Variants in COA1 observed in about 807,000 individuals in gnomAD.
COA1 encodes the protein cytochrome c oxidase assembly factor 1 homolog.
Under a neutral mutation model 16.0 loss-of-function variants are expected in COA1, and 13 were observed. That is an observed-to-expected ratio of 0.81 (90% CI 0.53 to 1.29). The LOEUF (loss-of-function observed/expected upper bound fraction) is 1.29. Among genes scored for constraint, COA1 ranks in the 50% most tolerant of loss-of-function variants. The pLI, the probability that COA1 is intolerant of heterozygous loss-of-function variation, is 0.00. For synonymous variants in COA1, 65 were observed against 65.7 expected, an observed-to-expected ratio of 0.99 and a Z score of 0.05; for missense variants, 179 against 177.0, an observed-to-expected ratio of 1.01 and a Z score of -0.06.
intron 6 of COA1, chr7:43,625,786 T>G (rs2084460067): frequency 7.4e-6 from 1 of 134,990 alleles, no homozygotes; most frequent in South Asian, 2.3e-4. Flanking sequence ...AGTGTCTTCA[T>G]GCCAACCACA....
intron 1 of COA1, among the ~76,000 whole-genome samples, chr7:43,657,730 G>C (rs1157844254): frequency 6.6e-6 from 1 of 152,020 alleles, no homozygotes; most frequent in African/African-American, 2.4e-5. Flanking sequence ...AAAAGCCACA[G>C]ACTGGGAGAA....
At chr7:43,718,174 G>GTA (rs2095433003) in intron 1 of COA1, among the ~76,000 whole-genome samples, 1 of 152,164 alleles carries the variant, frequency 6.6e-6, no homozygotes, top group African/African-American at 2.4e-5. Context: ...GCGTTTATAT[G>GTA]AAGTGGACTA....
chr7:43,636,496 G>GGCCTAAA, downstream of COA1, among the ~76,000 whole-genome samples: 1 of 152,180 alleles, frequency 6.6e-6, no homozygotes, highest in Non-Finnish European at 1.5e-5. Context: ...AGAGTCAAGT[G>GGCCTAAA]GCCTAAAGCC....
chr7:43,651,283 G>C (rs761625789), intron 1 of COA1, among the ~76,000 whole-genome samples: 3 of 152,158 alleles, frequency 2.0e-5, no homozygotes, highest in Non-Finnish European at 2.9e-5. Context: ...AAAAGGCAAG[G>C]GTTGCATCTG....
chr7:43,726,711 C>T (rs1170480063), intron 1 of COA1, among the ~76,000 whole-genome samples: 1 of 152,136 alleles, frequency 6.6e-6, no homozygotes, highest in African/African-American at 2.4e-5. Flanking sequence ...AAGGAGGTCT[C>T]CAGGGCTACA....
At chr7:43,647,421 C>T (rs770720401) in intron 3 of COA1, 114 bp downstream of exon 3, 4 of 785,760 alleles carry the variant, frequency 5.1e-6, no homozygotes, top group African/African-American at 1.7e-5. Flanking sequence ...CCTTTAAAAT[C>T]ACCCTCTCCT....
At chr7:43,674,403 T>G (rs749875284) in intron 1 of COA1, among the ~76,000 whole-genome samples, 5 of 152,370 alleles carry the variant, frequency 3.3e-5, no homozygotes, top group Non-Finnish European at 7.3e-5. Flanking sequence ...ACTTGTCTCA[T>G]GTTCCATATA....
intron 1 of COA1, chr7:43,649,065 T>C (rs1198580641): frequency 1.2e-5 from 2 of 162,746 alleles, no homozygotes; most frequent in East Asian, 1.8e-4. Context: ...AAAGAAACAA[T>C]AGTACAGTAA....
At chr7:43,641,685 A>G (rs1037664320) in intron 4 of COA1, 3 of 152,308 alleles carry the variant, frequency 2.0e-5, no homozygotes, top group Admixed American at 2.0e-4. Context: ...CAGAGTTCTC[A>G]GTTTCTCCTT....
At chr7:43,638,555 CTTT>C (rs1264359982), downstream of COA1, among the ~76,000 whole-genome samples, 1 of 131,690 alleles carries the variant, frequency 7.6e-6, no homozygotes, top group Non-Finnish European at 1.6e-5. Context: ...CCTTTCCCTT[CTTT>C]TTCTTTCCTT....
chr7:43,673,040 G>A (rs2093348778), intron 1 of COA1, among the ~76,000 whole-genome samples: 1 of 152,166 alleles, frequency 6.6e-6, no homozygotes, highest in Admixed American at 6.5e-5. Context: ...AGACTTAGAT[G>A]TAAAACCTAA....
intron 6 of COA1, among the ~76,000 whole-genome samples, chr7:43,617,543 T>C (rs2083462267): frequency 6.6e-6 from 1 of 152,176 alleles, no homozygotes; most frequent in Non-Finnish European, 1.5e-5. Flanking sequence ...TTCTGAGGGA[T>C]GATCATAGCA....
chr7:43,716,482 T>C (rs849181), intron 1 of COA1, among the ~76,000 whole-genome samples: 57,248 of 151,878 alleles, frequency 0.38, 10,829 homozygotes, highest in South Asian at 0.54. Context: ...AGATGATTTT[T>C]AGGGTATCTA....
At chr7:43,634,863 AGT>A (rs2085599854), downstream of COA1, among the ~76,000 whole-genome samples, 2 of 152,204 alleles carry the variant, frequency 1.3e-5, no homozygotes, top group Non-Finnish European at 2.9e-5. Context: ...TGGTTTCTCC[AGT>A]GCCTCATATT....
intron 2 of COA1, chr7:43,648,176 TACCA>T (rs776577100): frequency 5.3e-5 from 12 of 228,528 alleles, no homozygotes; most frequent in Admixed American, 2.5e-4. Context: ...AAATACAGCA[TACCA>T]TCCATCCACT....
intron 4 of COA1, among the ~76,000 whole-genome samples, chr7:43,643,107 T>C (rs1027756511): frequency 6.6e-6 from 1 of 152,128 alleles, no homozygotes; most frequent in Non-Finnish European, 1.5e-5. Flanking sequence ...ACAACCAACA[T>C]AGTCACAGCA....
chr7:43,654,509 A>G (rs2091403881), intron 1 of COA1, among the ~76,000 whole-genome samples: 1 of 152,220 alleles, frequency 6.6e-6, no homozygotes, highest in East Asian at 1.9e-4. Flanking sequence ...AGTGATGTCA[A>G]GGAAACTCAC....
intron 1 of COA1, among the ~76,000 whole-genome samples, chr7:43,714,908 T>A (rs552571204): frequency 2.0e-4 from 30 of 147,796 alleles, no homozygotes; most frequent in Middle Eastern, 3.6e-3. Context: ...CTCAGGTGGC[T>A]GAGGCACAAG....
intron 1 of COA1, among the ~76,000 whole-genome samples, chr7:43,653,465 GT>G (rs1013670824): frequency 6.6e-6 from 1 of 152,064 alleles, no homozygotes; most frequent in Non-Finnish European, 1.5e-5. Context: ...CATGATAAAA[GT>G]TTTTTTAAGT....
Sources: gnomAD v4.1 joint callset for allele counts (sites outside exome capture counted in the v4.1 genomes callset) on GRCh38, gnomAD v4.1.1 for gene constraint, MANE v1.5 for transcripts, NCBI Gene and HGNC (gene_info 2026-07-23, HGNC 2026-07-21) for gene names.